The following ZNF385D variants were observed in gnomAD, a reference collection of about 807,000 sequenced individuals.
ZNF385D encodes zinc finger protein 385D, also known as zinc finger protein 659.
ZNF385D carries 15 observed loss-of-function variants against 35.8 expected under a neutral mutation model. The observed-to-expected ratio is 0.42, with a 90% CI of 0.28 to 0.64. ZNF385D has a LOEUF of 0.64. Ranked by LOEUF, ZNF385D falls within the 30% of genes least tolerant of loss-of-function variation. The probability of loss-of-function intolerance (pLI) is 0.23; values close to 1 mark genes in which losing one functional copy is unlikely to be tolerated. For missense variants in ZNF385D, 474 were observed against 494.6 expected (o/e 0.96, Z 0.39); for synonymous variants, 212 against 186.8 (o/e 1.13, Z -1.10).
intron 3 of ZNF385D, among the ~76,000 whole-genome samples, chr3:21,968,185 G>A (rs572493708): frequency 1.5e-4 from 23 of 152,240 alleles, no homozygotes; most frequent in African/African-American, 5.5e-4. Context: ...CGGGTGGAAC[G>A]CAGCCAATGC....
At position 22,192,130 on chromosome 3, in the gene ZNF385D, C is replaced by T. The variant is rs369838915; in HGVS notation, c.107-23095G>A. On this transcript the variant is annotated intron_variant, in intron 2 of 5. Coordinates refer to the ZNF385D transcript ENST00000494108. ...CTAACCTCAGGGTTTAGAAACATGG[C>T]CCCAAGACTAACAGATTGCAGTAAC... 3.3e-5 allele frequency among the ~76,000 whole-genome samples: 5 copies of T among 152,212 alleles called. No homozygotes were observed. In the South Asian group the frequency reaches 6.2e-4, roughly 19 times the overall value.
intron 3 of ZNF385D, among the ~76,000 whole-genome samples, chr3:21,912,601 T>C (rs768727805): frequency 1.5e-4 from 23 of 152,040 alleles, no homozygotes; most frequent in Non-Finnish European, 2.9e-4. Flanking sequence ...AGGAGACAGA[T>C]ACAGATTGTG....
chr3:22,175,592 T>G (rs942430721), intron 2 of ZNF385D, among the ~76,000 whole-genome samples: 1 of 151,988 alleles, frequency 6.6e-6, no homozygotes, highest in African/African-American at 2.4e-5. Flanking sequence ...GCAAATATTT[T>G]TAAATCTCAT....
At chr3:22,300,140 C>T (rs943480314) in intron 2 of ZNF385D, among the ~76,000 whole-genome samples, 4 of 151,756 alleles carry the variant, frequency 2.6e-5, no homozygotes, top group Admixed American at 2.6e-4. Context: ...ATAGAAAGCC[C>T]AGAAATTCAT....
At chr3:22,210,521 G>T (rs1373688022) in intron 2 of ZNF385D, among the ~76,000 whole-genome samples, 1 of 151,800 alleles carries the variant, frequency 6.6e-6, no homozygotes, top group Non-Finnish European at 1.5e-5. Flanking sequence ...ACCATGCCAA[G>T]AAAGAAATGA....
At chr3:22,048,762 T>C (rs1699165142) in intron 3 of ZNF385D, among the ~76,000 whole-genome samples, 1 of 152,214 alleles carries the variant, frequency 6.6e-6, no homozygotes, top group Admixed American at 6.5e-5. Flanking sequence ...TTTAGGATTG[T>C]TTTTTCCATT....
intron 3 of ZNF385D, among the ~76,000 whole-genome samples, chr3:22,011,723 G>C (rs1696586052): frequency 6.6e-6 from 1 of 152,004 alleles, no homozygotes; most frequent in Admixed American, 6.6e-5. Flanking sequence ...AATACTTTGA[G>C]GAAGGTGGGA....
At chr3:21,543,819 GT>G (rs2062273405) in intron 3 of ZNF385D, among the ~76,000 whole-genome samples, 1 of 152,206 alleles carries the variant, frequency 6.6e-6, no homozygotes. Context: ...TTTCTGCAAA[GT>G]TTTGGTTGTG....
upstream of ZNF385D, among the ~76,000 whole-genome samples, chr3:21,754,705 T>A (rs2070261033): frequency 6.6e-6 from 1 of 152,068 alleles, no homozygotes; most frequent in South Asian, 2.1e-4. Flanking sequence ...GCAACTATCA[T>A]CATCTGACAC....
At chr3:21,568,435 G>A (rs1475978288) in intron 2 of ZNF385D, among the ~76,000 whole-genome samples, 3 of 152,160 alleles carry the variant, frequency 2.0e-5, no homozygotes, top group South Asian at 2.1e-4. Flanking sequence ...CATGTATATT[G>A]TTTTTCTCTC....
intron 4 of ZNF385D, among the ~76,000 whole-genome samples, chr3:21,440,234 A>T (rs1276325514): frequency 6.6e-6 from 1 of 152,152 alleles, no homozygotes; most frequent in Non-Finnish European, 1.5e-5. Context: ...ATAAATAATT[A>T]TTGTCCACAC....
At chr3:21,959,884 A>T (rs1702489493) in intron 3 of ZNF385D, among the ~76,000 whole-genome samples, 2 of 151,996 alleles carry the variant, frequency 1.3e-5, no homozygotes, top group Non-Finnish European at 2.9e-5. Flanking sequence ...CTGGCAACAA[A>T]ACTCAACTCA....
At chr3:22,063,550 C>G (rs1699792439) in intron 3 of ZNF385D, among the ~76,000 whole-genome samples, 1 of 152,024 alleles carries the variant, frequency 6.6e-6, no homozygotes. Flanking sequence ...TCTAAAGTCC[C>G]TAACAATAGT....
chr3:21,809,804 GGAAA>G (rs778308030), intron 3 of ZNF385D, among the ~76,000 whole-genome samples: 43 of 151,648 alleles, frequency 2.8e-4, no homozygotes, highest in Non-Finnish European at 5.3e-4. Flanking sequence ...AAGAAGGCAA[GGAAA>G]GAGAGAGGTA....
chr3:21,439,485 C>A (rs1006529618), intron 4 of ZNF385D, among the ~76,000 whole-genome samples: 1 of 151,854 alleles, frequency 6.6e-6, no homozygotes, highest in African/African-American at 2.4e-5. Context: ...CTGAAGCCAG[C>A]GTGACACTGT....
intron 3 of ZNF385D, among the ~76,000 whole-genome samples, chr3:21,870,250 C>G (rs929530849): frequency 3.3e-5 from 5 of 152,112 alleles, no homozygotes; most frequent in Non-Finnish European, 7.3e-5. Flanking sequence ...TTTTGATCAG[C>G]TATAATTTAA....
chr3:21,957,003 G>A (rs982841961), intron 3 of ZNF385D: 3 of 152,086 alleles, frequency 2.0e-5, no homozygotes, highest in Non-Finnish European at 1.5e-5. Context: ...GGGGTGTGGG[G>A]GCATAATTGA....
intron 1 of ZNF385D, among the ~76,000 whole-genome samples, chr3:21,684,380 CT>C (rs1412788502): frequency 1.2e-5 from 1 of 85,060 alleles, no homozygotes; most frequent in African/African-American, 6.0e-5. Flanking sequence ...CTCTCTCTCT[CT>C]CTCTCTCTCT....
chr3:21,845,690 T>A (rs1329222263), intron 3 of ZNF385D, among the ~76,000 whole-genome samples: 1 of 151,972 alleles, frequency 6.6e-6, no homozygotes, highest in Non-Finnish European at 1.5e-5. Context: ...TCAGCCACAT[T>A]TGCCATATTA....
Sources: gnomAD v4.1 joint callset for allele counts (sites outside exome capture counted in the v4.1 genomes callset) on GRCh38, gnomAD v4.1.1 for gene constraint, MANE v1.5 for transcripts, NCBI Gene and HGNC (gene_info 2026-07-23, HGNC 2026-07-21) for gene names.